Variants in RYR3 observed in about 807,000 individuals in gnomAD.
The protein encoded by RYR3 is ryanodine receptor 3.
Under a neutral mutation model 584.3 loss-of-function variants are expected in RYR3, and 207 were observed. That is an observed-to-expected ratio of 0.35 (90% CI 0.32 to 0.40). RYR3 has a LOEUF of 0.40. Ranked by LOEUF, RYR3 falls within the 10% of genes least tolerant of loss-of-function variation. RYR3 has a pLI of 1.00. For synonymous variants in RYR3, 2,416 were observed against 2,248.5 expected, an observed-to-expected ratio of 1.07 and a Z score of -2.11; for missense variants, 5,616 against 6,089.2, an observed-to-expected ratio of 0.92 and a Z score of 2.59.
chr15:33,392,943 G>A (rs552839680), intron 1 of RYR3, among the ~76,000 whole-genome samples: 1 of 152,364 alleles, frequency 6.6e-6, no homozygotes, highest in East Asian at 1.9e-4. Flanking sequence ...AAGGGCATGG[G>A]ATTGCACAAG....
rs746671180 is a variant in RYR3 at position 33,848,383 on chromosome 15, C to T, written c.13590C>T (p.Asp4530=). The change falls in exon 94 of 104, where the codon GAC becomes GAT. Residue 4530 remains aspartate, a synonymous_variant. Coordinates refer to ENST00000634891, the MANE Select transcript of RYR3 (RefSeq NM_001036.6). ...LYITEQPSED[D]IKGQWDRLVI... ...TCACCGAACAGCCATCTGAAGATGACATCAAGGGGCAGTGGGACCGCTTGG... is the reference window on the plus strand; with the variant it reads ...TCACCGAACAGCCATCTGAAGATGATATCAAGGGGCAGTGGGACCGCTTGG... 6.8e-6 allele frequency: 11 copies of T among 1,613,564 alleles called. No individual in the cohort carries two copies. The highest frequency in any genetic ancestry group is 9.3e-6 in the Non-Finnish European group (11 of 1,179,862).
intron 1 of RYR3, among the ~76,000 whole-genome samples, chr15:33,362,741 C>G (rs145232467): frequency 1.4e-4 from 21 of 152,274 alleles, no homozygotes; most frequent in African/African-American, 4.8e-4. Context: ...CTTGGAGAGC[C>G]CTTCCTTGAA....
intron 44 of RYR3, 79 bp downstream of exon 44, chr15:33,722,974 A>C (rs2068061757): frequency 7.9e-7 from 1 of 1,260,158 alleles, no homozygotes; most frequent in Non-Finnish European, 1.1e-6. Context: ...ATGATTTAGG[A>C]GGTAATAGAG....
Position 33,629,978 on chromosome 15 carries a change from G to A in RYR3, c.2718G>A (p.Val906=). The A allele has an allele frequency of 6.2e-7, 1 of 1,606,990 alleles. No individual in the cohort carries two copies. The highest frequency in any genetic ancestry group is 1.1e-5 in the South Asian group (1 of 88,908). Residue 906 remains valine, a synonymous_variant, in exon 22 of 104, where the codon GTG becomes GTA. Transcript: ENST00000634891. ...ATAAAAGACAACACCCTTGCCTTGT[G>A]GAGTTTTCAAAGCTCCCAGAAACTG... ...DDNKRQHPCL[V]EFSKLPETEK... is the part of the protein sequence containing the mutation.
intron 27 of RYR3, among the ~76,000 whole-genome samples, chr15:33,638,218 G>C (rs976779242): frequency 6.6e-6 from 1 of 152,166 alleles, no homozygotes; most frequent in African/African-American, 2.4e-5. Context: ...AGAAGGAATG[G>C]CCTGTGTGCT....
chr15:33,567,928 C>T (rs1374230487), intron 12 of RYR3, among the ~76,000 whole-genome samples: 1 of 152,066 alleles, frequency 6.6e-6, no homozygotes, highest in Non-Finnish European at 1.5e-5. Flanking sequence ...GTTTTAATAC[C>T]CTGATGCCCA....
rs2057495182 is a variant in RYR3, at chr15:33,563,019, C to T, written c.1146+9C>T. ...GACCTCTAAAAAGAAAGGTGAGAGT[C>T]AGAATATCTGTCTACAATTGTTTTA... On this transcript the variant is annotated intron_variant, in intron 11 of 103. Coordinates refer to ENST00000634891, the MANE Select transcript of RYR3 (RefSeq NM_001036.6). The T allele has an allele frequency of 6.2e-7, 1 of 1,604,914 alleles. No homozygotes were observed. Among genetic ancestry groups the T allele is most frequent in the South Asian group, 1.1e-5 (1 of 89,444 alleles).
At chr15:33,561,804 G>A (rs997910573) in intron 10 of RYR3, among the ~76,000 whole-genome samples, 1 of 151,938 alleles carries the variant, frequency 6.6e-6, no homozygotes, top group African/African-American at 2.4e-5. Flanking sequence ...GGAGGGTAAG[G>A]TGGGAGGATC....
chr15:33,373,328 T>G (rs896746350), intron 1 of RYR3, among the ~76,000 whole-genome samples: 2 of 152,242 alleles, frequency 1.3e-5, no homozygotes, highest in Non-Finnish European at 2.9e-5. Context: ...TGATGTGATG[T>G]ATTTATTCCT....
intron 2 of RYR3, among the ~76,000 whole-genome samples, chr15:33,477,748 G>A (rs1378232755): frequency 1.4e-5 from 2 of 144,878 alleles, no homozygotes; most frequent in South Asian, 2.1e-4. Context: ...GGTGGCGGGC[G>A]CCTGTAGTCC....
intron 43 of RYR3, among the ~76,000 whole-genome samples, chr15:33,722,302 G>T (rs1171698706): frequency 2.0e-5 from 3 of 152,194 alleles, no homozygotes; most frequent in African/African-American, 7.2e-5. Context: ...AGACTCAGTA[G>T]TTTATTAACT....
chr15:33,753,184 G>A (rs116727681), intron 57 of RYR3, among the ~76,000 whole-genome samples: 2,293 of 152,276 alleles, frequency 0.015, 39 homozygotes, highest in African/African-American at 0.052. Context: ...TACAAAATAT[G>A]CATCTTAGTT....
At chr15:33,612,174 T>C (rs1317385787) in intron 18 of RYR3, among the ~76,000 whole-genome samples, 1 of 152,184 alleles carries the variant, frequency 6.6e-6, no homozygotes, top group Non-Finnish European at 1.5e-5. Flanking sequence ...CAGAATAAGA[T>C]GATATAGGAA....
At chr15:33,351,317 T>A (rs1025846995) in intron 1 of RYR3, among the ~76,000 whole-genome samples, 16 of 152,240 alleles carry the variant, frequency 1.1e-4, no homozygotes, top group African/African-American at 3.6e-4. Context: ...TCACAGCCGA[T>A]TTCTACCAGA....
intron 94 of RYR3, chr15:33,851,593 C>G (rs1567321932): frequency 6.6e-6 from 1 of 152,136 alleles, no homozygotes; most frequent in Non-Finnish European, 1.5e-5. Flanking sequence ...GTTTGCATAC[C>G]TAGTCAGGGG....
At chr15:33,525,073 T>C (rs922033768) in intron 3 of RYR3, among the ~76,000 whole-genome samples, 21 of 152,258 alleles carry the variant, frequency 1.4e-4, no homozygotes, top group African/African-American at 5.1e-4. Flanking sequence ...TGTTTTAGAA[T>C]TTAATTTTAA....
Position 33,703,413 on chromosome 15 carries a change from C to T in RYR3, c.6483+2333C>T, listed in dbSNP as rs146813213. Among the ~76,000 whole-genome samples the T allele has an allele frequency of 7.8e-4, 119 of 152,280 alleles. No individual in the cohort carries two copies. In the East Asian group the frequency reaches 0.019, roughly 24 times the overall value. Reference sequence around the variant, plus strand: ...GCTGGAAGTCCAAGATCGAGGTGTGCGCAGGTTTGGTTTCTTCTGAGGCTT... The same window carrying T: ...GCTGGAAGTCCAAGATCGAGGTGTGTGCAGGTTTGGTTTCTTCTGAGGCTT... On this transcript the variant is annotated intron_variant, in intron 42 of 103. Transcript: ENST00000634891.
chr15:33,530,102 T>C (rs190577375), intron 3 of RYR3, among the ~76,000 whole-genome samples: 1 of 152,236 alleles, frequency 6.6e-6, no homozygotes, highest in East Asian at 1.9e-4. Flanking sequence ...GTGAGATCTG[T>C]GTATAAAGGA....
At chr15:33,379,666 CCTCTCTCT>C (rs72425368) in intron 1 of RYR3, among the ~76,000 whole-genome samples, 2 of 129,334 alleles carry the variant, frequency 1.5e-5, no homozygotes, top group African/African-American at 6.7e-5. Context: ...TGTGTGTGTC[CCTCTCTCT>C]CTCTCTCTCT....
Sources: allele counts gnomAD v4.1 joint callset (sites outside exome capture counted in the v4.1 genomes callset), GRCh38; gene constraint gnomAD v4.1.1; transcripts MANE v1.5; gene names NCBI Gene and HGNC (gene_info 2026-07-23, HGNC 2026-07-21).